Variants in MEIS2 observed in about 807,000 individuals in gnomAD.
MEIS2 encodes homeobox protein Meis2.
A neutral mutation model predicts 58.6 loss-of-function variants in MEIS2; 9 were observed. The observed-to-expected ratio is 0.15, with a 90% CI of 0.09 to 0.27. MEIS2 has a LOEUF of 0.27. Ranked by LOEUF, MEIS2 falls within the 10% of genes least tolerant of loss-of-function variation. The probability of loss-of-function intolerance (pLI) is 1.00; values close to 1 mark genes in which losing one functional copy is unlikely to be tolerated. For synonymous variants in MEIS2, 221 were observed against 228.4 expected (o/e 0.97, Z 0.29); for missense variants, 427 against 635.0 (o/e 0.67, Z 3.52).
intron 9 of MEIS2, among the ~76,000 whole-genome samples, chr15:36,932,439 G>T (rs2141335122): frequency 6.6e-6 from 1 of 152,190 alleles, no homozygotes; most frequent in South Asian, 2.1e-4. Context: ...ACCATCTGTT[G>T]CCATTTTAAA....
At chr15:36,924,840 C>A (rs901738913) in intron 9 of MEIS2, among the ~76,000 whole-genome samples, 1 of 152,182 alleles carries the variant, frequency 6.6e-6, no homozygotes, top group African/African-American at 2.4e-5. Flanking sequence ...AGAAATATTT[C>A]TAATCAATCT....
At chr15:37,072,693 T>C (rs570082275) in intron 7 of MEIS2, among the ~76,000 whole-genome samples, 1 of 152,288 alleles carries the variant, frequency 6.6e-6, no homozygotes, top group South Asian at 2.1e-4. Context: ...TATTTTGTAT[T>C]ATACTTTAAG....
intron 9 of MEIS2, among the ~76,000 whole-genome samples, chr15:36,933,937 C>A (rs561796635): frequency 6.6e-6 from 1 of 152,246 alleles, no homozygotes; most frequent in South Asian, 2.1e-4. Flanking sequence ...TGAAGCCACC[C>A]CTATCTTTAA....
chr15:37,028,119 C>A (rs1464303329), intron 8 of MEIS2, among the ~76,000 whole-genome samples: 1 of 152,184 alleles, frequency 6.6e-6, no homozygotes, highest in African/African-American at 2.4e-5. Context: ...AATGTATCTG[C>A]CAGTTAGTAG....
intron 11 of MEIS2, 95 bp downstream of exon 11, chr15:36,895,056 C>G: frequency 9.0e-7 from 1 of 1,111,062 alleles, no homozygotes; most frequent in Non-Finnish European, 1.3e-6. Flanking sequence ...AAATGTTAAA[C>G]CCACCATGAC....
At chr15:37,054,365 C>T (rs904847874) in intron 7 of MEIS2, among the ~76,000 whole-genome samples, 7 of 152,106 alleles carry the variant, frequency 4.6e-5, no homozygotes, top group African/African-American at 1.4e-4. Context: ...AGAAAACTTG[C>T]CAATGAAAAA....
intron 7 of MEIS2, among the ~76,000 whole-genome samples, chr15:37,049,776 C>T (rs1278320060): frequency 1.3e-5 from 2 of 151,088 alleles, no homozygotes; most frequent in Admixed American, 6.6e-5. Context: ...CGTGAGCCAC[C>T]GCAGCTGGCC....
At chr15:36,934,486 C>T (rs2058092437) in intron 9 of MEIS2, among the ~76,000 whole-genome samples, 4 of 152,224 alleles carry the variant, frequency 2.6e-5, no homozygotes, top group Non-Finnish European at 5.9e-5. Flanking sequence ...GTACTAGCCT[C>T]TAGAATTTGC....
chr15:36,973,687 G>C (rs572800103), intron 8 of MEIS2, among the ~76,000 whole-genome samples: 31 of 152,098 alleles, frequency 2.0e-4, no homozygotes, highest in African/African-American at 7.5e-4. Flanking sequence ...AAAAAATAAA[G>C]AGGATGACTG....
chr15:36,944,911 G>C (rs1259318628), intron 9 of MEIS2, among the ~76,000 whole-genome samples: 2 of 151,908 alleles, frequency 1.3e-5, no homozygotes, highest in Non-Finnish European at 2.9e-5. Flanking sequence ...GTGTCCAGCT[G>C]TCTCTGTACC....
At chr15:36,919,476 G>A (rs1389151047) in intron 9 of MEIS2, among the ~76,000 whole-genome samples, 1 of 151,946 alleles carries the variant, frequency 6.6e-6, no homozygotes, top group Non-Finnish European at 1.5e-5. Flanking sequence ...TACTCAGGAG[G>A]CTGAGGCAGG....
chr15:36,926,290 T>C (rs2057746110), intron 9 of MEIS2, among the ~76,000 whole-genome samples: 1 of 152,112 alleles, frequency 6.6e-6, no homozygotes, highest in African/African-American at 2.4e-5. Flanking sequence ...CGTTGGAACC[T>C]ATTTTGGGAG....
chr15:36,965,650 TA>T (rs199703331), intron 8 of MEIS2, among the ~76,000 whole-genome samples: 3,120 of 152,334 alleles, frequency 0.02, 47 homozygotes, highest in Non-Finnish European at 0.03. Flanking sequence ...CACCAGAACA[TA>T]AGCTTCTTGA....
At chr15:37,048,355 T>A (rs1275052884) in intron 7 of MEIS2, among the ~76,000 whole-genome samples, 1 of 152,096 alleles carries the variant, frequency 6.6e-6, no homozygotes, top group Non-Finnish European at 1.5e-5. Flanking sequence ...AATAATAAAA[T>A]TTGTTGGAAG....
intron 7 of MEIS2, among the ~76,000 whole-genome samples, chr15:37,079,539 G>A (rs913471806): frequency 2.4e-4 from 2 of 8,188 alleles, no homozygotes; most frequent in Non-Finnish European, 5.9e-3. Context: ...GGAATACTTT[G>A]GTGGGAAAAA....
At chr15:37,098,802 T>TA in intron 1 of MEIS2, 1 of 586,054 alleles carries the variant, frequency 1.7e-6, no homozygotes, top group Non-Finnish European at 2.1e-6. Context: ...AAAACGCTAA[T>TA]AATCAGCACG....
intron 9 of MEIS2, among the ~76,000 whole-genome samples, chr15:36,913,522 C>G (rs760126231): frequency 9.9e-5 from 15 of 152,012 alleles, no homozygotes; most frequent in Non-Finnish European, 2.2e-4. Flanking sequence ...TGGCCGTTTC[C>G]AAATAACAGA....
At chr15:37,012,072 G>A (rs950416442) in intron 8 of MEIS2, among the ~76,000 whole-genome samples, 2 of 152,082 alleles carry the variant, frequency 1.3e-5, no homozygotes, top group African/African-American at 4.8e-5. Context: ...CCTGACAGAG[G>A]GATCTACTCA....
intron 8 of MEIS2, among the ~76,000 whole-genome samples, chr15:36,995,159 TCTC>T (rs2060431015): frequency 6.6e-6 from 1 of 152,158 alleles, no homozygotes; most frequent in Non-Finnish European, 1.5e-5. Flanking sequence ...ACGTCTCTGT[TCTC>T]CTCCCTGATA....
Sources: allele counts gnomAD v4.1 joint callset (sites outside exome capture counted in the v4.1 genomes callset), GRCh38; gene constraint gnomAD v4.1.1; transcripts MANE v1.5; gene names NCBI Gene and HGNC (gene_info 2026-07-23, HGNC 2026-07-21).